The following NSD1 variants were observed in gnomAD, a reference collection of about 807,000 sequenced individuals.
NSD1 encodes histone-lysine N-methyltransferase, H3 lysine-36 specific.
In NSD1, 26 loss-of-function variants were observed where a neutral mutation model predicts 242.7. The ratio of observed to expected loss-of-function variants is 0.11; its 90% CI spans 0.08 to 0.15. The LOEUF (loss-of-function observed/expected upper bound fraction) is 0.15, where lower values mean the gene tolerates loss of function less well. NSD1 is among the 10% of genes least tolerant of loss of function. The probability of loss-of-function intolerance (pLI) is 1.00; values close to 1 mark genes in which losing one functional copy is unlikely to be tolerated. For missense variants in NSD1, 2,495 were observed against 3,272.8 expected, an observed-to-expected ratio of 0.76 and a Z score of 5.80; for synonymous variants, 1,106 against 1,178.1, an observed-to-expected ratio of 0.94 and a Z score of 1.25.
intron 3 of NSD1, among the ~76,000 whole-genome samples, chr5:177,199,201 A>G (rs1166505164): frequency 6.6e-6 from 1 of 152,278 alleles, no homozygotes; most frequent in Non-Finnish European, 1.5e-5. Flanking sequence ...ACTGTAGACC[A>G]ATGTAAGTGT....
intron 2 of NSD1, among the ~76,000 whole-genome samples, chr5:177,167,141 CTAT>C (rs1412897192): frequency 4.6e-5 from 7 of 152,154 alleles, no homozygotes; most frequent in Non-Finnish European, 8.8e-5. Context: ...GTTGAAGAGA[CTAT>C]TATTCTTTTT....
intron 2 of NSD1, among the ~76,000 whole-genome samples, chr5:177,177,770 ACT>A (rs1158684751): frequency 6.6e-6 from 1 of 151,948 alleles, no homozygotes; most frequent in East Asian, 1.9e-4. Flanking sequence ...TGCTCTGATT[ACT>A]CTCTCAACTC....
chr5:177,136,921 C>T (rs753171575), intron 2 of NSD1: 5 of 700,994 alleles, frequency 7.1e-6, no homozygotes, highest in Non-Finnish European at 1.3e-5. Context: ...CTCCTGGGCT[C>T]ATTCGATCCT....
chr5:177,174,495 G>A (rs557477959), intron 2 of NSD1, among the ~76,000 whole-genome samples: 85 of 150,104 alleles, frequency 5.7e-4, no homozygotes, highest in African/African-American at 2.0e-3. Context: ...GATTACAAGC[G>A]TGAGCCACTG....
chr5:177,197,426 T>C (rs1412077808), intron 3 of NSD1, among the ~76,000 whole-genome samples: 1 of 152,088 alleles, frequency 6.6e-6, no homozygotes, highest in African/African-American at 2.4e-5. Flanking sequence ...ATGGAGACCA[T>C]CCTGGCTAAC....
In NSD1 at chr5:177,136,015, A is replaced by G; in HGVS notation, c.912A>G (p.Ser304=). The G allele has an allele frequency of 6.2e-7, 1 of 1,614,042 alleles. No homozygotes were observed. The highest frequency in any genetic ancestry group is 2.2e-5 in the East Asian group (1 of 44,876). Residue 304 remains serine (S), a synonymous_variant, in exon 2 of 23, where the codon TCA becomes TCG. Transcript: ENST00000439151. ...CTGGAACTTCATCATCATCTACTTCACAGGAATTGCCATTTGTAAGCAGTT... is the reference window on the plus strand; with the variant it reads ...CTGGAACTTCATCATCATCTACTTCGCAGGAATTGCCATTTGTAAGCAGTT... ...ELPGTSSSST[S]QELPFCQPKK...
At chr5:177,194,298 T>G (rs531241868) in intron 3 of NSD1, among the ~76,000 whole-genome samples, 17 of 152,162 alleles carry the variant, frequency 1.1e-4, no homozygotes, top group African/African-American at 3.6e-4. Flanking sequence ...CTCATTCTGT[T>G]GCCTAGGCTG....
intron 20 of NSD1, chr5:177,288,523 A>G: frequency 2.9e-6 from 1 of 348,864 alleles, no homozygotes; most frequent in Non-Finnish European, 5.4e-6. Flanking sequence ...GTAATGAATT[A>G]ACATATTTTG....
chr5:177,289,323 A>G (rs1759590530), intron 21 of NSD1, among the ~76,000 whole-genome samples: 1 of 152,074 alleles, frequency 6.6e-6, no homozygotes, highest in African/African-American at 2.4e-5. Flanking sequence ...TCCTTCTCAA[A>G]AAAAAAAAGA....
chr5:177,154,658 C>CT (rs1757975985), intron 2 of NSD1, among the ~76,000 whole-genome samples: 1 of 152,016 alleles, frequency 6.6e-6, no homozygotes, highest in Non-Finnish European at 1.5e-5. Context: ...ATGTTGAAAT[C>CT]TTTCCATTTT....
rs35703730 is a variant in NSD1 at position 177,267,953 on chromosome 5, G to GT, written c.5303+252dup. 2.6e-3 allele frequency among the ~76,000 whole-genome samples: 355 copies of GT among 135,752 alleles called. 11 individuals carry two copies. The East Asian group carries it at 0.054, about 21-fold the overall frequency. The allele number at this position is 135,752 out of a possible 152,430, so 89.1% of individuals were successfully genotyped here. A position where few individuals can be genotyped will look rare whatever the true frequency, so the allele number is the denominator to read the frequency against. On this transcript the variant is annotated intron_variant, in intron 15 of 22. Coordinates refer to ENST00000439151, the MANE Select transcript of NSD1 (RefSeq NM_022455.5). ...TTTTCTTTTGTGTATTTTGTGAAAA[G>GT]TTTTTTTTTTTTTTTTTAAATGAAA...
intron 5 of NSD1, among the ~76,000 whole-genome samples, chr5:177,231,146 C>T (rs1196090834): frequency 6.6e-6 from 1 of 152,188 alleles, no homozygotes; most frequent in African/African-American, 2.4e-5. Flanking sequence ...AGTGCAGTTG[C>T]ACAATCCTAG....
At chr5:177,222,047 G>C (rs1764280805) in intron 5 of NSD1, among the ~76,000 whole-genome samples, 2 of 152,086 alleles carry the variant, frequency 1.3e-5, no homozygotes. Context: ...CTGATCTCAG[G>C]TGATCTGCCC....
At chr5:177,177,269 C>A (rs1297056783) in intron 2 of NSD1, among the ~76,000 whole-genome samples, 4 of 152,094 alleles carry the variant, frequency 2.6e-5, no homozygotes, top group Non-Finnish European at 5.9e-5. Context: ...AATCCCAGCA[C>A]TTTGGGAGGC....
At chr5:177,152,921 A>G (rs1757846179) in intron 2 of NSD1, among the ~76,000 whole-genome samples, 1 of 151,454 alleles carries the variant, frequency 6.6e-6, no homozygotes, top group South Asian at 2.1e-4. Flanking sequence ...CCTGGCCTCA[A>G]GTGATCCACC....
intron 8 of NSD1, among the ~76,000 whole-genome samples, chr5:177,243,784 T>TC (rs1201467319): frequency 4.6e-5 from 7 of 151,700 alleles, no homozygotes; most frequent in Non-Finnish European, 8.8e-5. Flanking sequence ...CCTCTGCCTC[T>TC]CCAAGTTCAA....
intron 2 of NSD1, among the ~76,000 whole-genome samples, chr5:177,172,694 C>G (rs1307690802): frequency 1.3e-5 from 2 of 152,046 alleles, no homozygotes; most frequent in Non-Finnish European, 2.9e-5. Flanking sequence ...TATGGTGGTT[C>G]ACGTATATAA....
At chr5:177,255,967 A>G (rs1283033195) in intron 12 of NSD1, among the ~76,000 whole-genome samples, 2 of 152,148 alleles carry the variant, frequency 1.3e-5, no homozygotes, top group Admixed American at 1.3e-4. Flanking sequence ...GTAGTTATCA[A>G]CTTCTCTCTC....
At chr5:177,272,872 G>A (rs983630918) in intron 16 of NSD1, among the ~76,000 whole-genome samples, 5 of 152,096 alleles carry the variant, frequency 3.3e-5, no homozygotes, top group African/African-American at 7.2e-5. Flanking sequence ...GTTAGAGTGA[G>A]ACCCTGTCTC....
Sources: gnomAD v4.1 joint callset for allele counts (sites outside exome capture counted in the v4.1 genomes callset) on GRCh38, gnomAD v4.1.1 for gene constraint, MANE v1.5 for transcripts, NCBI Gene and HGNC (gene_info 2026-07-23, HGNC 2026-07-21) for gene names.